Variants in CAST observed in about 807,000 individuals in gnomAD.
CAST encodes the protein calpastatin, also known as MIR583 host.
Under a neutral mutation model 119.6 loss-of-function variants are expected in CAST, and 76 were observed. That is an observed-to-expected ratio of 0.64 (90% CI 0.53 to 0.77). The LOEUF (loss-of-function observed/expected upper bound fraction) is 0.77, where lower values mean the gene tolerates loss of function less well. Among genes scored for constraint, CAST ranks in the 30% least tolerant of loss-of-function variants. CAST has a pLI of 0.00. For missense variants in CAST, 953 were observed against 946.5 expected (o/e 1.01, Z -0.09); for synonymous variants, 319 against 331.6 (o/e 0.96, Z 0.41).
At chr5:96,179,267 G>T in the CAST span, among the ~76,000 whole-genome samples, 1 of 152,070 alleles carries the variant, frequency 6.6e-6, no homozygotes, top group East Asian at 1.9e-4. Context: ...TCCCTTAAAT[G>T]GAATATTTAC....
At chr5:96,719,201 C>G (rs556516964) in intron 3 of CAST, among the ~76,000 whole-genome samples, 113 of 152,294 alleles carry the variant, frequency 7.4e-4, no homozygotes, top group African/African-American at 2.7e-3. Flanking sequence ...GCTCACTTGC[C>G]AGGACCTGCT....
the CAST span, among the ~76,000 whole-genome samples, chr5:96,251,221 C>T: frequency 1.1e-4 from 16 of 152,180 alleles, no homozygotes; most frequent in Admixed American, 3.9e-4. Context: ...AAACCAGCTT[C>T]GGCTGGGCTG....
At chr5:96,052,093 G>A in the CAST span, among the ~76,000 whole-genome samples, 1 of 152,176 alleles carries the variant, frequency 6.6e-6, no homozygotes, top group African/African-American at 2.4e-5. Context: ...CATTGTTTGA[G>A]TTAGTACGTT....
chr5:96,134,911 A>G, the CAST span, among the ~76,000 whole-genome samples: 2 of 152,214 alleles, frequency 1.3e-5, no homozygotes, highest in South Asian at 4.1e-4. Context: ...TTTGAATAAA[A>G]TATAAAGGGA....
chr5:96,409,049 C>T, the CAST span, among the ~76,000 whole-genome samples: 1 of 152,136 alleles, frequency 6.6e-6, no homozygotes, highest in Non-Finnish European at 1.5e-5. Context: ...CGAGACTTAC[C>T]CGAGATGTTC....
At chr5:96,302,284 A>G in the CAST span, among the ~76,000 whole-genome samples, 2 of 152,148 alleles carry the variant, frequency 1.3e-5, no homozygotes, top group Non-Finnish European at 2.9e-5. Flanking sequence ...GGGCCTGCTC[A>G]CAAAACTATT....
At chr5:96,544,231 G>A (rs1232037991) in intron 1 of CAST, among the ~76,000 whole-genome samples, 1 of 151,984 alleles carries the variant, frequency 6.6e-6, no homozygotes, top group East Asian at 1.9e-4. Context: ...ATTCTTTGTT[G>A]TTTTCTATTA....
chr5:96,597,650 A>G (rs1050909357), intron 1 of CAST, among the ~76,000 whole-genome samples: 21 of 152,274 alleles, frequency 1.4e-4, no homozygotes, highest in Admixed American at 5.9e-4. Context: ...TGAACTTTCC[A>G]TTGAGTGATT....
the CAST span, among the ~76,000 whole-genome samples, chr5:96,503,551 C>T: frequency 6.6e-6 from 1 of 152,252 alleles, no homozygotes; most frequent in Non-Finnish European, 1.5e-5. Flanking sequence ...AAGTCTGCTG[C>T]TGCTACACGA....
the CAST span, among the ~76,000 whole-genome samples, chr5:96,129,517 A>G: frequency 1.3e-5 from 2 of 152,108 alleles, no homozygotes; most frequent in Non-Finnish European, 2.9e-5. Flanking sequence ...AATAGGACAG[A>G]CACTTCTCAT....
rs930781600 is a variant in CAST at position 96,583,398 on chromosome 5, A to C, written c.60+53518A>C. On this transcript the variant is annotated intron_variant, in intron 1 of 11. Coordinates refer to the CAST transcript ENST00000505143. ...ATTATAAACATATTTTGAGACATTA[A>C]ATGAACTGGGAAAGTTTCCAGGACA... 3.3e-5 allele frequency among the ~76,000 whole-genome samples: 5 copies of C among 152,154 alleles called. No individual in the cohort carries two copies. In the East Asian group the frequency reaches 9.6e-4, roughly 29 times the overall value.
chr5:96,473,779 G>A, the CAST span, among the ~76,000 whole-genome samples: 1 of 152,148 alleles, frequency 6.6e-6, no homozygotes, highest in Non-Finnish European at 1.5e-5. Context: ...GCGCATGACT[G>A]GTCTGTACAA....
At chr5:96,607,637 G>GTCCTTTCATGTGCTTTTCGAGGGTA (rs1747284647) in intron 1 of CAST, among the ~76,000 whole-genome samples, 1 of 152,134 alleles carries the variant, frequency 6.6e-6, no homozygotes, top group South Asian at 2.1e-4. Flanking sequence ...TTTCGAGGGT[G>GTCCTTTCATGTGCTTTTCGAGGGTA]TCCTTTCATC....
At chr5:96,368,135 T>C in the CAST span, among the ~76,000 whole-genome samples, 3 of 152,012 alleles carry the variant, frequency 2.0e-5, no homozygotes, top group Non-Finnish European at 4.4e-5. Flanking sequence ...CCCTTTCCTT[T>C]CCTTCCCTTC....
chr5:96,609,979 G>T (rs1271831158), intron 1 of CAST, among the ~76,000 whole-genome samples: 1 of 152,076 alleles, frequency 6.6e-6, no homozygotes, highest in Admixed American at 6.5e-5. Context: ...GATATGGTTT[G>T]GCTGTGTCCC....
chr5:96,082,977 T>C, the CAST span, among the ~76,000 whole-genome samples: 1 of 152,210 alleles, frequency 6.6e-6, no homozygotes, highest in Non-Finnish European at 1.5e-5. Context: ...TTAGAAACAA[T>C]TGGTATCAAT....
At chr5:95,997,462 C>T in the CAST span, among the ~76,000 whole-genome samples, 1 of 140,986 alleles carries the variant, frequency 7.1e-6, no homozygotes, top group Non-Finnish European at 1.5e-5. Flanking sequence ...CAGATGAAAG[C>T]TCAATTATTT....
intron 1 of CAST, among the ~76,000 whole-genome samples, chr5:96,549,730 AG>A (rs1365209017): frequency 6.6e-6 from 1 of 152,262 alleles, no homozygotes; most frequent in Non-Finnish European, 1.5e-5. Context: ...TTGGCAGACC[AG>A]GATATCCCCT....
the CAST span, among the ~76,000 whole-genome samples, chr5:96,263,828 C>T: frequency 1.4e-4 from 21 of 152,214 alleles, no homozygotes; most frequent in East Asian, 3.1e-3. Context: ...AAGCAAGGCA[C>T]GTCTTACATG....
Sources: allele counts gnomAD v4.1 joint callset (sites outside exome capture counted in the v4.1 genomes callset), GRCh38; gene constraint gnomAD v4.1.1; transcripts MANE v1.5; gene names NCBI Gene and HGNC (gene_info 2026-07-23, HGNC 2026-07-21).